SLC1A6: variants seen among roughly 807,000 people sequenced by gnomAD.
SLC1A6 encodes the protein solute carrier family 1 member 6, also known as excitatory amino acid transporter 4.
SLC1A6 carries 15 observed loss-of-function variants against 42.1 expected under a neutral mutation model. The observed-to-expected ratio is 0.36, with a 90% confidence interval of 0.24 to 0.55. The LOEUF is 0.55. Ranked by LOEUF, SLC1A6 falls within the 20% of genes least tolerant of loss-of-function variation. SLC1A6 has a pLI of 0.88. For synonymous variants in SLC1A6, 317 were observed against 319.7 expected (o/e 0.99, Z 0.09); for missense variants, 542 against 772.5 (o/e 0.70, Z 3.54).
At chr19:14,951,191 G>T (rs1247333446) in intron 9 of SLC1A6, among the ~76,000 whole-genome samples, 2 of 142,832 alleles carry the variant, frequency 1.4e-5, no homozygotes, top group Non-Finnish European at 3.0e-5. Context: ...GGCAGAGGTT[G>T]CAGTGAGCTG....
upstream of SLC1A6, chr19:14,979,929 C>T (rs1388296579): frequency 6.6e-6 from 1 of 152,280 alleles, no homozygotes; most frequent in African/African-American, 2.4e-5. The surrounding 1 kb of genome is among the most constrained non-coding windows in gnomAD (Gnocchi z 4.2). Flanking sequence ...GGAGCCGCGC[C>T]TCCGCGCCCC....
chr19:14,975,864 G>A (rs957814309), intron 1 of SLC1A6, among the ~76,000 whole-genome samples: 26 of 81,106 alleles, frequency 3.2e-4, no homozygotes, highest in Admixed American at 4.1e-4. Context: ...GGGAAGGGAA[G>A]GGAAGGAAAG....
intron 1 of SLC1A6, among the ~76,000 whole-genome samples, chr19:14,997,086 A>G (rs11672069): frequency 0.14 from 20,808 of 152,188 alleles, 1,519 homozygotes; most frequent in Non-Finnish European, 0.15. Flanking sequence ...AAAGAGCTAC[A>G]TATCTCCCTC....
Position 14,954,335 on chromosome 19 carries a change from G to A in SLC1A6, c.1170-6C>T, listed in dbSNP as rs2045440803. ...TGATGGGCAGCGTTGCCGAGCTGGGGGAAAGAGCCCAGGACTGAGGATGGG... is the reference window on the plus strand; with the variant it reads ...TGATGGGCAGCGTTGCCGAGCTGGGAGAAAGAGCCCAGGACTGAGGATGGG... On this transcript the variant is annotated splice_region_variant and splice_polypyrimidine_tract_variant and intron_variant, in intron 7 of 9. Coordinates refer to ENST00000594383, the MANE Select transcript of SLC1A6 (RefSeq NM_005071.3). 6.9e-6 allele frequency: 11 copies of A among 1,604,664 alleles called. No individual in the cohort carries two copies. The highest frequency in any genetic ancestry group is 1.1e-5 in the South Asian group (1 of 91,040).
chr19:14,986,175 C>T (rs1023105591), intron 1 of SLC1A6, among the ~76,000 whole-genome samples: 1 of 151,670 alleles, frequency 6.6e-6, no homozygotes, highest in Non-Finnish European at 1.5e-5. Context: ...TCCATACTTC[C>T]CGTTGCATCA....
intron 3 of SLC1A6, among the ~76,000 whole-genome samples, chr19:14,970,290 C>T (rs1028324804): frequency 1.3e-5 from 2 of 152,038 alleles, no homozygotes; most frequent in Non-Finnish European, 2.9e-5. Context: ...AGGCTGATCT[C>T]GAACTCCTGG....
rs151055016 is a variant in SLC1A6 at position 15,005,307 on chromosome 19, G to A, written c.6+5178C>T. Reference sequence around the variant, plus strand: ...GGCACGGTGGCGGTCAGGAGTTCACGAATAGCCTGGCCAACAATGGTGAAC... The same window carrying A: ...GGCACGGTGGCGGTCAGGAGTTCACAAATAGCCTGGCCAACAATGGTGAAC... On this transcript the variant is annotated intron_variant, in intron 1 of 8. Transcript: ENST00000430939. Among the ~76,000 whole-genome samples, 376 of 147,994 alleles carry A rather than the reference G, an allele frequency of 2.5e-3. 3 individuals carry two copies. Among genetic ancestry groups the A allele is most frequent in the Middle Eastern group, 0.01 (3 of 286 alleles).
At chr19:14,974,692 C>A (rs1379564816) in intron 1 of SLC1A6, 1 of 151,828 alleles carries the variant, frequency 6.6e-6, no homozygotes, top group Non-Finnish European at 1.5e-5. Flanking sequence ...AATTATTGCA[C>A]AACATAATGA....
chr19:14,965,041 A>G (rs1192867228), intron 4 of SLC1A6, among the ~76,000 whole-genome samples: 2 of 148,306 alleles, frequency 1.3e-5, no homozygotes, highest in Non-Finnish European at 3.0e-5. Context: ...TTTTTTTTAG[A>G]TGGAGTCTTG....
At chr19:14,998,884 ATTTATTTATTTT>A (rs1254907882) in intron 1 of SLC1A6, among the ~76,000 whole-genome samples, 2 of 132,422 alleles carry the variant, frequency 1.5e-5, no homozygotes, top group Non-Finnish European at 3.4e-5. Context: ...TTATTTATTT[ATTTATTTATTTT>A]TAATGGAGTC....
chr19:14,972,269 TG>T (rs2045648757), intron 2 of SLC1A6, among the ~76,000 whole-genome samples: 1 of 152,222 alleles, frequency 6.6e-6, no homozygotes, highest in Non-Finnish European at 1.5e-5. Flanking sequence ...TTTTCAAACA[TG>T]GGAGTGTACG....
intron 1 of SLC1A6, among the ~76,000 whole-genome samples, chr19:14,995,047 G>A (rs767681400): frequency 2.6e-5 from 4 of 152,082 alleles, no homozygotes; most frequent in African/African-American, 7.2e-5. Context: ...TAGAGTGGCC[G>A]AGTGTGGTGG....
chr19:14,981,003 C>G (rs145913216), upstream of SLC1A6, among the ~76,000 whole-genome samples: 33 of 152,148 alleles, frequency 2.2e-4, no homozygotes, highest in Non-Finnish European at 4.0e-4. Flanking sequence ...TTTAAAAATT[C>G]TGAAGCCAGC....
chr19:14,994,519 C>T (rs1414332143), intron 1 of SLC1A6, among the ~76,000 whole-genome samples: 1 of 152,146 alleles, frequency 6.6e-6, no homozygotes, highest in Non-Finnish European at 1.5e-5. Flanking sequence ...CTCAAACTGC[C>T]CAGTCTACCC....
chr19:14,986,471 C>T (rs956105760), intron 1 of SLC1A6, among the ~76,000 whole-genome samples: 6 of 150,326 alleles, frequency 4.0e-5, no homozygotes, highest in Admixed American at 1.3e-4. Context: ...TGCAGTGAGC[C>T]GAGATTGCAC....
At chr19:14,954,952 C>T (rs902645322) in intron 7 of SLC1A6, among the ~76,000 whole-genome samples, 2 of 152,178 alleles carry the variant, frequency 1.3e-5, no homozygotes, top group African/African-American at 4.8e-5. Context: ...GCCCCTACTC[C>T]AGACTCCCCT....
Position 14,970,854 on chromosome 19 carries a change from G to A in SLC1A6, c.343+883C>T, listed in dbSNP as rs188549134. Among the ~76,000 whole-genome samples, 45 of 152,204 alleles carry A rather than the reference G, an allele frequency of 3.0e-4. No individual in the cohort carries two copies. In the East Asian group the frequency reaches 6.8e-3, roughly 23 times the overall value. On this transcript the variant is annotated intron_variant, in intron 3 of 9. Coordinates refer to ENST00000594383, the MANE Select transcript of SLC1A6 (RefSeq NM_005071.3). Reference sequence around the variant, plus strand: ...GGGAGTCAAAAGTTACATGTGAGCCGGGCGTGGTGGCTCATGCCTGCTATC... The same window carrying A: ...GGGAGTCAAAAGTTACATGTGAGCCAGGCGTGGTGGCTCATGCCTGCTATC...
intron 8 of SLC1A6, 120 bp downstream of exon 8, chr19:14,954,015 A>G (rs760980521): frequency 1.0e-5 from 9 of 865,052 alleles, no homozygotes; most frequent in Non-Finnish European, 1.4e-5. Context: ...TCCCGCTTCC[A>G]ACATCCGTGG....
intron 1 of SLC1A6, among the ~76,000 whole-genome samples, chr19:14,994,472 G>A (rs2045835529): frequency 6.6e-6 from 1 of 152,022 alleles, no homozygotes; most frequent in Non-Finnish European, 1.5e-5. Flanking sequence ...ATCCTGTATG[G>A]TTTCTTTACC....
Sources: gnomAD v4.1 joint callset for allele counts (sites outside exome capture counted in the v4.1 genomes callset) on GRCh38, gnomAD v4.1.1 for gene constraint, Gnocchi (gnomAD v3.1) non-coding constraint, MANE v1.5 for transcripts, NCBI Gene and HGNC (gene_info 2026-07-23, HGNC 2026-07-21) for gene names.